Variants in GTF2F2 observed in about 807,000 individuals in gnomAD.
GTF2F2 encodes general transcription factor IIF subunit 2, also known as ATP-dependent helicase GTF2F2.
GTF2F2 carries 23 observed loss-of-function variants against 42.2 expected under a neutral mutation model. The observed-to-expected ratio is 0.55, with a 90% CI of 0.39 to 0.77. GTF2F2 has a LOEUF of 0.77. Ranked by LOEUF, GTF2F2 falls within the 30% of genes least tolerant of loss-of-function variation. The pLI, the probability that GTF2F2 is intolerant of heterozygous loss-of-function variation, is 0.00. For synonymous variants in GTF2F2, 105 were observed against 100.8 expected (o/e 1.04, Z -0.25); for missense variants, 261 against 287.2 (o/e 0.91, Z 0.66).
chr13:45,247,110 GAGGCT>G (rs1333393239), intron 5 of GTF2F2, among the ~76,000 whole-genome samples: 13 of 151,666 alleles, frequency 8.6e-5, no homozygotes, highest in South Asian at 2.1e-4. Flanking sequence ...AGCTCTTTGG[GAGGCT>G]AAGGCGGGCA....
chr13:45,188,711 A>G (rs1593479701), intron 4 of GTF2F2, among the ~76,000 whole-genome samples: 1 of 152,212 alleles, frequency 6.6e-6, no homozygotes, highest in Non-Finnish European at 1.5e-5. Flanking sequence ...AGTGGAAGTT[A>G]ATGGAATTAG....
At chr13:45,220,720 TGCCAGACTGAACGG>T (rs1457232812) in intron 5 of GTF2F2, 4 of 152,138 alleles carry the variant, frequency 2.6e-5, no homozygotes. Flanking sequence ...GTTTATTTTG[TGCCAGACTGAACGG>T]GCTAGACTTG....
chr13:45,200,139 A>G (rs993250382), intron 4 of GTF2F2, among the ~76,000 whole-genome samples: 2 of 152,132 alleles, frequency 1.3e-5, no homozygotes, highest in Non-Finnish European at 2.9e-5. Flanking sequence ...AAATGATAGC[A>G]TCTTATAGTT....
At chr13:45,168,799 C>T (rs1268747039) in intron 4 of GTF2F2, among the ~76,000 whole-genome samples, 3 of 148,396 alleles carry the variant, frequency 2.0e-5, no homozygotes, top group Non-Finnish European at 4.5e-5. Context: ...TTCCTTCCTT[C>T]CTTCCTTCCT....
chr13:45,273,655 A>ATTTTTTTTTTTTTTT (rs773254844), intron 7 of GTF2F2, among the ~76,000 whole-genome samples: 2,419 of 123,274 alleles, frequency 0.02, 133 homozygotes, highest in African/African-American at 0.033. Flanking sequence ...GAGTGGTAAA[A>ATTTTTTTTTTTTTTT]TTTTTTTTTT....
At chr13:45,158,719 T>C (rs1870888113) in intron 4 of GTF2F2, among the ~76,000 whole-genome samples, 1 of 152,230 alleles carries the variant, frequency 6.6e-6, no homozygotes, top group Admixed American at 6.5e-5. Context: ...TTAAACCTTG[T>C]GGGCAGAGGA....
At chr13:45,156,919 T>C (rs1178843378) in intron 4 of GTF2F2, among the ~76,000 whole-genome samples, 2 of 152,220 alleles carry the variant, frequency 1.3e-5, no homozygotes, top group African/African-American at 2.4e-5. Context: ...AGGCTTGGGA[T>C]GCTTTAACAA....
intron 4 of GTF2F2, among the ~76,000 whole-genome samples, chr13:45,174,317 A>AT: frequency 6.6e-6 from 1 of 152,274 alleles, no homozygotes; most frequent in East Asian, 1.9e-4. Context: ...AGTATAGATA[A>AT]TTTTTTTAAA....
intron 4 of GTF2F2, among the ~76,000 whole-genome samples, chr13:45,180,094 C>T (rs747019687): frequency 3.3e-5 from 5 of 152,040 alleles, no homozygotes; most frequent in South Asian, 4.1e-4. Flanking sequence ...CTCAAAATAA[C>T]GTCTCATTTT....
intron 5 of GTF2F2, among the ~76,000 whole-genome samples, chr13:45,236,743 CTAAG>C (rs760703094): frequency 6.6e-6 from 1 of 152,004 alleles, no homozygotes; most frequent in Non-Finnish European, 1.5e-5. Flanking sequence ...GGATACTAGT[CTAAG>C]TAAAATAGAT....
intron 5 of GTF2F2, 21 bp downstream of exon 5, chr13:45,207,526 G>A (rs1169812960): frequency 1.4e-6 from 2 of 1,415,498 alleles, no homozygotes; most frequent in Non-Finnish European, 2.0e-6. Context: ...TGTAACTCCA[G>A]AATGATACCT....
intron 5 of GTF2F2, among the ~76,000 whole-genome samples, chr13:45,211,283 A>G (rs148978933): frequency 1.2e-3 from 177 of 152,280 alleles, no homozygotes; most frequent in African/African-American, 4.1e-3. Flanking sequence ...CAAGGTATAA[A>G]TTATCAAAAT....
At chr13:45,142,746 GTTTAC>G (rs1869993203) in intron 2 of GTF2F2, among the ~76,000 whole-genome samples, 1 of 152,268 alleles carries the variant, frequency 6.6e-6, no homozygotes, top group African/African-American at 2.4e-5. Context: ...AGGCTGTCTT[GTTTAC>G]TTTACTAATT....
rs192481528 is a variant in GTF2F2 at position 45,173,896 on chromosome 13, C to T, written c.304+22065C>T. 1.6e-3 allele frequency among the ~76,000 whole-genome samples: 240 copies of T among 152,248 alleles called. 1 individual carries two copies. The highest frequency in any genetic ancestry group is 5.6e-3 in the African/African-American group (234 of 41,542). On this transcript the variant is annotated intron_variant, in intron 4 of 7. Transcript: ENST00000340473. ...CCTCCCAAAGTGCTGGGATTACAGG[C>T]GTGAGTCACCGCGCCCGGCCAACTT...
At position 45,202,681 on chromosome 13, in the gene GTF2F2, G is replaced by A. The variant is rs990836063; in HGVS notation, c.305-4743G>A. Among the ~76,000 whole-genome samples the A allele has an allele frequency of 1.3e-5, 2 of 152,106 alleles. 1 individual carries two copies. Among genetic ancestry groups the A allele is most frequent in the Middle Eastern group, 6.3e-3 (2 of 316 alleles). ...AATGTACGTTTAGTTGGCTGGGCAC[G>A]GTGGCTCACGCCTGTAATCCCAGCA... On this transcript the variant is annotated intron_variant, in intron 4 of 7. Transcript: ENST00000340473.
chr13:45,278,105 CAGG>C (rs890441625), intron 7 of GTF2F2, among the ~76,000 whole-genome samples: 1 of 151,998 alleles, frequency 6.6e-6, no homozygotes, highest in African/African-American at 2.4e-5. Context: ...TTTGACAGAG[CAGG>C]AGAAGAAAAG....
intron 2 of GTF2F2, among the ~76,000 whole-genome samples, chr13:45,143,586 C>T (rs1870040254): frequency 1.3e-5 from 2 of 152,238 alleles, no homozygotes; most frequent in Non-Finnish European, 2.9e-5. Context: ...TGTGGGAGGA[C>T]CTTCCCTCCC....
intron 4 of GTF2F2, among the ~76,000 whole-genome samples, chr13:45,198,760 G>A (rs1315012047): frequency 6.6e-6 from 1 of 151,388 alleles, no homozygotes; most frequent in Non-Finnish European, 1.5e-5. Context: ...TTCACAAGCT[G>A]AGTTTCTTTT....
chr13:45,254,784 T>G (rs768388695), intron 6 of GTF2F2, among the ~76,000 whole-genome samples: 8 of 152,198 alleles, frequency 5.3e-5, no homozygotes, highest in Non-Finnish European at 1.2e-4. Context: ...CTAAGTTAAG[T>G]CAAATAGCAA....
Sources: allele counts gnomAD v4.1 joint callset (sites outside exome capture counted in the v4.1 genomes callset), GRCh38; gene constraint gnomAD v4.1.1; transcripts MANE v1.5; gene names NCBI Gene and HGNC (gene_info 2026-07-23, HGNC 2026-07-21).